ATRNL1: variants seen among roughly 807,000 people sequenced by gnomAD.
ATRNL1 encodes attractin like 1.
A neutral mutation model predicts 182.7 loss-of-function variants in ATRNL1; 95 were observed. The ratio of observed to expected loss-of-function variants is 0.52; its 90% CI spans 0.44 to 0.62. The LOEUF (loss-of-function observed/expected upper bound fraction) is 0.62. ATRNL1 is among the 20% of genes least tolerant of loss of function. The probability of loss-of-function intolerance (pLI) is 0.00; values close to 1 mark genes in which losing one functional copy is unlikely to be tolerated. For missense variants in ATRNL1, 1,471 were observed against 1,679.5 expected, an observed-to-expected ratio of 0.88 and a Z score of 2.17; for synonymous variants, 576 against 568.3, an observed-to-expected ratio of 1.01 and a Z score of -0.19.
In ATRNL1 at chr10:115,215,617, C is replaced by T. The variant is rs536411275; in HGVS notation, c.1349-80C>T. ...CATAAAAATATGTCATTAGAATTAA[C>T]TTGTTGGTATTTTGGTGATATATTA... On this transcript the variant is annotated intron_variant, in intron 8 of 28. Transcript: ENST00000355044. 2.4e-5 allele frequency: 26 copies of T among 1,067,380 alleles called. No homozygotes were observed. The East Asian group carries it at 7.0e-4, about 29-fold the overall frequency. 66.1% of individuals were successfully genotyped at this position (1,067,380 alleles called of 1,614,324 possible).
chr10:115,534,725 G>A (rs1341658173), intron 25 of ATRNL1, among the ~76,000 whole-genome samples: 1 of 151,838 alleles, frequency 6.6e-6, no homozygotes, highest in Non-Finnish European at 1.5e-5. Flanking sequence ...ATTTTGGCAT[G>A]ATTTTGTAGC....
At chr10:115,395,561 C>A (rs185156053) in intron 20 of ATRNL1, among the ~76,000 whole-genome samples, 1 of 151,774 alleles carries the variant, frequency 6.6e-6, no homozygotes, top group African/African-American at 2.4e-5. Flanking sequence ...CTATGCCGTT[C>A]TTTTTTCAGT....
chr10:115,383,956 G>A (rs977393860), intron 19 of ATRNL1, among the ~76,000 whole-genome samples: 3 of 151,840 alleles, frequency 2.0e-5, no homozygotes, highest in Non-Finnish European at 4.4e-5. Flanking sequence ...GATATCAACT[G>A]AGAAGCAAGG....
intron 10 of ATRNL1, among the ~76,000 whole-genome samples, chr10:115,251,444 C>G (rs968387456): frequency 6.6e-6 from 1 of 152,078 alleles, no homozygotes; most frequent in Non-Finnish European, 1.5e-5. Flanking sequence ...AGTCTGTGAC[C>G]CAGTGGACCC....
At chr10:115,547,455 C>T (rs1852732568) in intron 25 of ATRNL1, among the ~76,000 whole-genome samples, 1 of 151,836 alleles carries the variant, frequency 6.6e-6, no homozygotes, top group South Asian at 2.1e-4. Flanking sequence ...ATAGCCCTTT[C>T]AAGGATAAGA....
At chr10:115,367,312 A>G (rs377761897) in intron 19 of ATRNL1, among the ~76,000 whole-genome samples, 48 of 140,068 alleles carry the variant, frequency 3.4e-4, no homozygotes, top group Middle Eastern at 3.5e-3. Flanking sequence ...TGATCGCATC[A>G]GCTCCTGAGG....
intron 9 of ATRNL1, among the ~76,000 whole-genome samples, chr10:115,216,321 A>G (rs988399083): frequency 1.5e-4 from 23 of 152,178 alleles, no homozygotes; most frequent in African/African-American, 5.3e-4. Context: ...ACTTTATTAC[A>G]TGTTGCCGAA....
intron 26 of ATRNL1, among the ~76,000 whole-genome samples, chr10:115,587,354 C>A (rs956791092): frequency 2.6e-5 from 4 of 152,118 alleles, no homozygotes; most frequent in African/African-American, 7.2e-5. Context: ...GCCCCTCCCC[C>A]AGCCTCGCTG....
At chr10:115,778,553 C>T (rs555628056) in intron 27 of ATRNL1, among the ~76,000 whole-genome samples, 4 of 152,240 alleles carry the variant, frequency 2.6e-5, no homozygotes, top group South Asian at 2.1e-4. Context: ...ATCCAATGAA[C>T]GAACTAAATC....
chr10:115,491,311 G>A (rs1292245996), intron 24 of ATRNL1, among the ~76,000 whole-genome samples: 1 of 152,170 alleles, frequency 6.6e-6, no homozygotes, highest in Non-Finnish European at 1.5e-5. Context: ...CTGTCAGGCA[G>A]TGATGTTTAA....
chr10:115,545,364 T>C (rs1554993402), intron 25 of ATRNL1, among the ~76,000 whole-genome samples: 1 of 152,124 alleles, frequency 6.6e-6, no homozygotes, highest in African/African-American at 2.4e-5. Context: ...GAGAATATTA[T>C]TTTAAAAATA....
chr10:115,687,901 T>A (rs2133965249), intron 26 of ATRNL1, among the ~76,000 whole-genome samples: 1 of 152,206 alleles, frequency 6.6e-6, no homozygotes, highest in East Asian at 1.9e-4. Context: ...AAATATTAGA[T>A]TAGAACTTAT....
At chr10:115,389,638 G>T (rs1474388798) in intron 19 of ATRNL1, among the ~76,000 whole-genome samples, 8 of 136,412 alleles carry the variant, frequency 5.9e-5, no homozygotes, top group African/African-American at 2.2e-4. Context: ...TGTAGCTATT[G>T]TGAATAATGC....
At chr10:115,283,033 A>T (rs1347175187) in intron 14 of ATRNL1, among the ~76,000 whole-genome samples, 2 of 152,016 alleles carry the variant, frequency 1.3e-5, no homozygotes, top group Admixed American at 6.6e-5. Context: ...TCTAAAACAT[A>T]TTGGAAAATT....
chr10:115,944,837 C>G lies in ATRNL1; in HGVS notation c.*58C>G. On this transcript the variant is annotated 3_prime_UTR_variant, in exon 29 of 29. Coordinates refer to ENST00000355044, the MANE Select transcript of ATRNL1 (RefSeq NM_207303.4). ...GTTTTACTTCGGGCTTCTGTTAAAG[C>G]TGTTCTATGGCCTTGGATTTTATGG... 6.4e-7 allele frequency: 1 copy of G among 1,559,118 alleles called. No individual in the cohort carries two copies.
At chr10:115,433,075 A>G (rs935643330) in intron 21 of ATRNL1, among the ~76,000 whole-genome samples, 1 of 152,010 alleles carries the variant, frequency 6.6e-6, no homozygotes, top group Non-Finnish European at 1.5e-5. Flanking sequence ...AACACATTTT[A>G]TTTCATCTTT....
intron 26 of ATRNL1, among the ~76,000 whole-genome samples, chr10:115,549,877 G>A (rs1285723705): frequency 6.6e-6 from 1 of 151,840 alleles, no homozygotes; most frequent in Admixed American, 6.6e-5. Flanking sequence ...ATAAGCGTCT[G>A]TTGAAATTTA....
intron 10 of ATRNL1, among the ~76,000 whole-genome samples, chr10:115,256,032 G>A (rs1012432062): frequency 2.6e-5 from 4 of 152,250 alleles, no homozygotes; most frequent in Middle Eastern, 3.4e-3. Context: ...TGATGGATTT[G>A]GTTTGCCAGT....
chr10:115,555,929 G>T (rs559608579), intron 26 of ATRNL1, among the ~76,000 whole-genome samples: 1 of 151,976 alleles, frequency 6.6e-6, no homozygotes, highest in East Asian at 1.9e-4. Context: ...ATATATATTT[G>T]CCCTTTACCT....
Sources: allele counts gnomAD v4.1 joint callset (sites outside exome capture counted in the v4.1 genomes callset), GRCh38; gene constraint gnomAD v4.1.1; transcripts MANE v1.5; gene names NCBI Gene and HGNC (gene_info 2026-07-23, HGNC 2026-07-21).